Variants in TANC2 observed in about 807,000 individuals in gnomAD.
The protein encoded by TANC2 is tetratricopeptide repeat, ankyrin repeat and coiled-coil containing 2, also known as protein TANC2.
TANC2 carries 26 observed loss-of-function variants against 210.5 expected under a neutral mutation model. The observed-to-expected ratio is 0.12, with a 90% CI of 0.09 to 0.17. TANC2 has a LOEUF of 0.17. Among genes scored for constraint, TANC2 ranks in the 10% least tolerant of loss-of-function variants. The pLI is 1.00. For missense variants in TANC2, 2,129 were observed against 2,608.9 expected (o/e 0.82, Z 4.01); for synonymous variants, 931 against 967.1 (o/e 0.96, Z 0.69).
chr17:63,268,447 A>G (rs534680937), intron 9 of TANC2, among the ~76,000 whole-genome samples: 2 of 152,312 alleles, frequency 1.3e-5, no homozygotes, highest in South Asian at 4.1e-4. Flanking sequence ...TGTGTATGAA[A>G]CATATGAATT....
chr17:63,359,536 C>T lies in TANC2; in HGVS notation c.2582+4146C>T, dbSNP rs187629972. ...AACTTTTTTGTATTTTTAGTAGAGACGGAGTTTCACCAATTTGGCCAGGCT... is the reference window on the plus strand; with the variant it reads ...AACTTTTTTGTATTTTTAGTAGAGATGGAGTTTCACCAATTTGGCCAGGCT... On this transcript the variant is annotated intron_variant, in intron 14 of 27. Transcript: ENST00000689528. 7.9e-5 allele frequency among the ~76,000 whole-genome samples: 12 copies of T among 152,020 alleles called. No homozygotes were observed. The East Asian group carries it at 1.2e-3, about 15-fold the overall frequency.
chr17:63,245,842 C>CAAAAAAA (rs60766720), intron 8 of TANC2, among the ~76,000 whole-genome samples: 2 of 91,378 alleles, frequency 2.2e-5, no homozygotes, highest in African/African-American at 8.1e-5. Context: ...GACTCCTTAT[C>CAAAAAAA]AAAAAAAAAA....
At chr17:63,226,221 A>G (rs1414071635) in intron 7 of TANC2, among the ~76,000 whole-genome samples, 1 of 152,200 alleles carries the variant, frequency 6.6e-6, no homozygotes, top group Non-Finnish European at 1.5e-5. Flanking sequence ...ACCAGACACC[A>G]TAGGGGGTCT....
At chr17:63,031,568 A>G (rs2034771366) in intron 2 of TANC2, among the ~76,000 whole-genome samples, 1 of 152,054 alleles carries the variant, frequency 6.6e-6, no homozygotes, top group Non-Finnish European at 1.5e-5. Flanking sequence ...AAATGGTCAG[A>G]CCATTCAGTT....
chr17:63,312,290 G>GT, intron 9 of TANC2, among the ~76,000 whole-genome samples: 1 of 152,264 alleles, frequency 6.6e-6, no homozygotes, highest in East Asian at 1.9e-4. Flanking sequence ...ACTAGTGACA[G>GT]TAACAAAGAC....
chr17:63,290,091 T>C (rs1051538597), intron 9 of TANC2, among the ~76,000 whole-genome samples: 1 of 152,152 alleles, frequency 6.6e-6, no homozygotes, highest in Non-Finnish European at 1.5e-5. Flanking sequence ...GGGCAGGCCT[T>C]GTTAAGAGCA....
intron 5 of TANC2, among the ~76,000 whole-genome samples, chr17:63,163,365 A>T (rs1327144445): frequency 1.3e-5 from 2 of 152,206 alleles, no homozygotes; most frequent in Non-Finnish European, 2.9e-5. Context: ...AGGCCAGAAG[A>T]TCATCTGTGT....
In TANC2 at chr17:62,996,260, A is replaced by G. The variant is rs868285478; in HGVS notation, c.-23-13277A>G. On this transcript the variant is annotated intron_variant, in intron 1 of 27. Coordinates refer to ENST00000689528, the Ensembl canonical transcript of TANC2. ...GGCCTGAGAAGGACTCCGTACTTCTATATTTGAGTCCTTGTGGACAAACTG... is the reference window on the plus strand; with the variant it reads ...GGCCTGAGAAGGACTCCGTACTTCTGTATTTGAGTCCTTGTGGACAAACTG... Among the ~76,000 whole-genome samples, 7 of 152,338 alleles carry G rather than the reference A, an allele frequency of 4.6e-5. 1 individual carries two copies. In the South Asian group the frequency reaches 1.2e-3, roughly 27 times the overall value.
At chr17:63,226,102 CTATT>C (rs764563684) in intron 7 of TANC2, among the ~76,000 whole-genome samples, 1 of 152,216 alleles carries the variant, frequency 6.6e-6, no homozygotes, top group Non-Finnish European at 1.5e-5. Flanking sequence ...TGTCACAAAT[CTATT>C]TTTTATTATT....
At chr17:62,981,627 C>T (rs943967039) in intron 1 of TANC2, among the ~76,000 whole-genome samples, 13 of 152,068 alleles carry the variant, frequency 8.5e-5, no homozygotes, top group African/African-American at 2.2e-4. Flanking sequence ...ATACTGACTA[C>T]CTTGAATTAG....
At chr17:63,106,722 G>A (rs979764542) in intron 4 of TANC2, among the ~76,000 whole-genome samples, 2 of 151,694 alleles carry the variant, frequency 1.3e-5, no homozygotes, top group Non-Finnish European at 2.9e-5. Context: ...TAATCCTTTT[G>A]TGATATTTGC....
At chr17:63,166,015 C>T (rs913045716) in intron 5 of TANC2, among the ~76,000 whole-genome samples, 2 of 152,186 alleles carry the variant, frequency 1.3e-5, no homozygotes, top group African/African-American at 2.4e-5. Context: ...AAATAGTCAT[C>T]ATCATACATT....
At chr17:63,188,545 C>T (rs531140012) in intron 5 of TANC2, among the ~76,000 whole-genome samples, 1 of 150,338 alleles carries the variant, frequency 6.7e-6, no homozygotes, top group South Asian at 2.1e-4. Flanking sequence ...GTGAGCTGAG[C>T]CCCACTGTAC....
chr17:63,203,753 A>G (rs1362305297), intron 7 of TANC2, among the ~76,000 whole-genome samples: 4 of 152,204 alleles, frequency 2.6e-5, no homozygotes, highest in Admixed American at 2.0e-4. Flanking sequence ...TTCAAAGAGC[A>G]GGGAATTGGA....
At chr17:63,124,457 T>C (rs1334142374) in intron 4 of TANC2, among the ~76,000 whole-genome samples, 1 of 152,240 alleles carries the variant, frequency 6.6e-6, no homozygotes, top group Non-Finnish European at 1.5e-5. Flanking sequence ...TCTCCTGAAC[T>C]GTAGTCCAAA....
At chr17:63,263,640 T>A (rs376867470) in intron 8 of TANC2, among the ~76,000 whole-genome samples, 133 of 152,318 alleles carry the variant, frequency 8.7e-4, no homozygotes, top group African/African-American at 3.2e-3. Context: ...TACCATGTTA[T>A]AGAACAGGAA....
chr17:63,333,084 A>G (rs2045914459), intron 11 of TANC2, among the ~76,000 whole-genome samples: 1 of 152,228 alleles, frequency 6.6e-6, no homozygotes, highest in Admixed American at 6.5e-5. Flanking sequence ...TGCTAACACA[A>G]CATTCTTTAG....
intron 8 of TANC2, among the ~76,000 whole-genome samples, chr17:63,249,948 ATGT>A (rs142959721): frequency 2.6e-4 from 40 of 152,278 alleles, no homozygotes; most frequent in Non-Finnish European, 4.1e-4. Flanking sequence ...TATCTCTAAA[ATGT>A]TGTATACCAA....
At chr17:63,152,452 G>A (rs2039686380) in intron 5 of TANC2, 1 of 152,066 alleles carries the variant, frequency 6.6e-6, no homozygotes, top group African/African-American at 2.4e-5. Flanking sequence ...AGACCTTGGG[G>A]ATTTTGCTTT....
Sources: allele counts gnomAD v4.1 joint callset (sites outside exome capture counted in the v4.1 genomes callset), GRCh38; gene constraint gnomAD v4.1.1; transcripts MANE v1.5; gene names NCBI Gene and HGNC (gene_info 2026-07-23, HGNC 2026-07-21).